The following PCTP variants were observed in gnomAD, a reference collection of about 807,000 sequenced individuals.
PCTP encodes the protein phosphatidylcholine transfer protein.
A neutral mutation model predicts 31.0 loss-of-function variants in PCTP; 27 were observed. That is an observed-to-expected ratio of 0.87 (90% CI 0.64 to 1.20). PCTP has a LOEUF of 1.20. Ranked by LOEUF, PCTP falls within the 50% of genes most tolerant of loss-of-function variation. The pLI is 0.00. For synonymous variants in PCTP, 108 were observed against 101.2 expected (o/e 1.07, Z -0.40); for missense variants, 287 against 268.2 (o/e 1.07, Z -0.49).
At position 55,773,722 on chromosome 17, in the gene PCTP, A is replaced by G. The variant is rs1421254080; in HGVS notation, c.340-2A>G. On this transcript the variant is annotated splice_acceptor_variant, in intron 3 of 5. Transcript: ENST00000268896. LOFTEE classifies it high-confidence loss of function. ...GGTGTCTTGCCTTAACTGGCTATGCAGTATGTCTACCTTCGGCAGCGGCGA... is the reference window on the plus strand; with the variant it reads ...GGTGTCTTGCCTTAACTGGCTATGCGGTATGTCTACCTTCGGCAGCGGCGA... 1.4e-5 allele frequency: 22 copies of G among 1,606,578 alleles called. No individual in the cohort carries two copies. Among genetic ancestry groups the G allele is most frequent in the Non-Finnish European group, 1.8e-5 (21 of 1,174,168 alleles).
intron 3 of PCTP, among the ~76,000 whole-genome samples, chr17:55,809,323 A>G (rs1459527778): frequency 1.3e-5 from 2 of 152,126 alleles, no homozygotes; most frequent in African/African-American, 2.4e-5. Flanking sequence ...ATGATATTAC[A>G]TCTATTATCT....
rs954333212 is a variant in PCTP at position 55,776,819 on chromosome 17, A to G, written c.*719A>G. 9.7e-7 allele frequency: 1 copy of G among 1,033,064 alleles called. No homozygotes were observed. The highest frequency in any genetic ancestry group is 5.7e-5 in the Admixed American group (1 of 17,566). 64.0% of individuals were successfully genotyped at this position (1,033,064 alleles called of 1,614,324 possible). Reference sequence around the variant, plus strand: ...TTCCTCATCATCCATGAGGAAATGGATGATTTCTCTTTTCCATATGTCACT... The same window carrying G: ...TTCCTCATCATCCATGAGGAAATGGGTGATTTCTCTTTTCCATATGTCACT... On this transcript the variant is annotated 3_prime_UTR_variant, in exon 6 of 6. Transcript: ENST00000268896.
At chr17:55,801,951 A>G (rs1437743068) in intron 3 of PCTP, among the ~76,000 whole-genome samples, 1 of 152,228 alleles carries the variant, frequency 6.6e-6, no homozygotes, top group Non-Finnish European at 1.5e-5. Context: ...AAGATTAACA[A>G]AATAGATAGA....
intron 3 of PCTP, among the ~76,000 whole-genome samples, chr17:55,789,524 G>A (rs915270346): frequency 6.6e-6 from 1 of 152,190 alleles, no homozygotes; most frequent in Non-Finnish European, 1.5e-5. Context: ...TGCTGTGTCT[G>A]CAATGTTATC....
At chr17:55,817,826 A>T (rs893648081) in intron 3 of PCTP, among the ~76,000 whole-genome samples, 1 of 152,226 alleles carries the variant, frequency 6.6e-6, no homozygotes, top group Non-Finnish European at 1.5e-5. Context: ...TCTGTCTACA[A>T]GAGCTCATCC....
chr17:55,775,435 G>A, intron 5 of PCTP: 3 of 1,231,702 alleles, frequency 2.4e-6, no homozygotes, highest in Non-Finnish European at 3.0e-6. Context: ...TTGGAAGAGT[G>A]AAAAAGCACA....
At chr17:55,791,163 A>G (rs1911957131) in intron 3 of PCTP, among the ~76,000 whole-genome samples, 1 of 152,012 alleles carries the variant, frequency 6.6e-6, no homozygotes, top group Non-Finnish European at 1.5e-5. Context: ...TTCAAGATGG[A>G]TTAAAGACGT....
At chr17:55,798,403 CA>C (rs1026350060) in intron 3 of PCTP, among the ~76,000 whole-genome samples, 4 of 151,552 alleles carry the variant, frequency 2.6e-5, no homozygotes, top group African/African-American at 9.7e-5. Flanking sequence ...AAAATCCTTC[CA>C]AAAAACCATA....
At chr17:55,839,383 C>A (rs1455376529) in intron 5 of PCTP, among the ~76,000 whole-genome samples, 2 of 152,186 alleles carry the variant, frequency 1.3e-5, no homozygotes, top group Non-Finnish European at 2.9e-5. Context: ...GTAGGGGAGG[C>A]TTCTGCCCAC....
chr17:55,838,665 T>G (rs1905855901), intron 5 of PCTP, among the ~76,000 whole-genome samples: 1 of 152,198 alleles, frequency 6.6e-6, no homozygotes, highest in African/African-American at 2.4e-5. Context: ...TAAACACATA[T>G]CAAATGATGC....
downstream of PCTP, among the ~76,000 whole-genome samples, chr17:55,782,148 G>A (rs187204710): frequency 6.6e-6 from 1 of 152,344 alleles, no homozygotes; most frequent in Non-Finnish European, 1.5e-5. Context: ...TCAGGCAGGA[G>A]GCATTGCCCC....
downstream of PCTP, among the ~76,000 whole-genome samples, chr17:55,827,778 G>C (rs954932307): frequency 5.3e-5 from 8 of 152,160 alleles, no homozygotes; most frequent in African/African-American, 1.9e-4. Flanking sequence ...TTTTTTCAGT[G>C]AAAGTCCAGG....
At chr17:55,801,179 A>T (rs1477836224) in intron 3 of PCTP, among the ~76,000 whole-genome samples, 1 of 152,120 alleles carries the variant, frequency 6.6e-6, no homozygotes, top group African/African-American at 2.4e-5. Flanking sequence ...CTAAATATAT[A>T]TGCACCCAAT....
chr17:55,814,110 G>A (rs1221984990), intron 3 of PCTP, among the ~76,000 whole-genome samples: 1 of 151,646 alleles, frequency 6.6e-6, no homozygotes, highest in Non-Finnish European at 1.5e-5. Flanking sequence ...CGATTACAAA[G>A]CCTATTGCTT....
At chr17:55,778,279 C>G (rs1221646036), downstream of PCTP, among the ~76,000 whole-genome samples, 1 of 150,538 alleles carries the variant, frequency 6.6e-6, no homozygotes. Context: ...CCTGAGTTCT[C>G]AGGGTGTGTT....
At chr17:55,825,370 A>T (rs960802649), downstream of PCTP, among the ~76,000 whole-genome samples, 1 of 152,226 alleles carries the variant, frequency 6.6e-6, no homozygotes, top group African/African-American at 2.4e-5. Context: ...GAAATAGAGA[A>T]GCAAAAGAAA....
intron 1 of PCTP, among the ~76,000 whole-genome samples, chr17:55,760,658 C>T (rs1225788147): frequency 6.6e-6 from 1 of 152,286 alleles, no homozygotes; most frequent in East Asian, 1.9e-4. Flanking sequence ...ATTCATCTTT[C>T]TCTATACCTG....
chr17:55,820,361 G>C (rs1319861377), intron 3 of PCTP, among the ~76,000 whole-genome samples: 1 of 152,132 alleles, frequency 6.6e-6, no homozygotes, highest in Non-Finnish European at 1.5e-5. Flanking sequence ...AGTTCTGGAG[G>C]CTGGGACATT....
At chr17:55,848,565 ATACT>A in the PCTP span, among the ~76,000 whole-genome samples, 3 of 152,194 alleles carry the variant, frequency 2.0e-5, no homozygotes, top group African/African-American at 4.8e-5. Flanking sequence ...ATTCTTTCTA[ATACT>A]TACCCCCTCC....
Sources: gnomAD v4.1 joint callset for allele counts (sites outside exome capture counted in the v4.1 genomes callset) on GRCh38, gnomAD v4.1.1 for gene constraint, MANE v1.5 for transcripts, NCBI Gene and HGNC (gene_info 2026-07-23, HGNC 2026-07-21) for gene names.